Variants in IPO11 observed in about 807,000 individuals in gnomAD.
The protein encoded by IPO11 is importin-11.
Under a neutral mutation model 143.2 loss-of-function variants are expected in IPO11, and 66 were observed. That is an observed-to-expected ratio of 0.46 (90% confidence interval 0.38 to 0.57). The LOEUF (loss-of-function observed/expected upper bound fraction) is 0.57, where lower values mean the gene tolerates loss of function less well. Ranked by LOEUF, IPO11 falls within the 20% of genes least tolerant of loss-of-function variation. The pLI is 0.00. For synonymous variants in IPO11, 385 were observed against 377.8 expected (o/e 1.02, Z -0.22); for missense variants, 1,026 against 1,141.0 (o/e 0.90, Z 1.45).
At chr5:62,447,111 A>T (rs171566) in intron 3 of IPO11, among the ~76,000 whole-genome samples, 17,011 of 147,214 alleles carry the variant, frequency 0.12, 1,183 homozygotes, top group African/African-American at 0.21. Flanking sequence ...ATATATATAT[A>T]TTTTTTTTTA....
intron 5 of IPO11, among the ~76,000 whole-genome samples, chr5:62,453,056 A>G (rs1744998766): frequency 6.6e-6 from 1 of 150,978 alleles, no homozygotes; most frequent in African/African-American, 2.5e-5. Context: ...ATACGGTCAC[A>G]TGATAGGGCT....
Position 62,435,214 on chromosome 5 carries a change from A to ATATATATG in IPO11, c.-6-2053_-6-2052insGTATATAT, listed in dbSNP as rs1554047245. Among the ~76,000 whole-genome samples, 17 of 122,002 alleles carry ATATATATG rather than the reference A, an allele frequency of 1.4e-4. 1 individual carries two copies. Among genetic ancestry groups the ATATATATG allele is most frequent in the African/African-American group, 3.0e-4 (9 of 29,624 alleles). 80.0% of individuals were successfully genotyped at this position (122,002 alleles called of 152,430 possible). On this transcript the variant is annotated intron_variant, in intron 1 of 29. Coordinates refer to ENST00000325324, the MANE Select transcript of IPO11 (RefSeq NM_016338.5). The stretch of plus-strand genomic sequence containing the variant: ...TGTATATATATGTATATATATGTGT[A>ATATATATG]TATATATATATATCAGAGCAGCTGT...
intron 27 of IPO11, chr5:62,580,882 T>C (rs1037351943): frequency 9.7e-6 from 15 of 1,551,384 alleles, no homozygotes; most frequent in Non-Finnish European, 1.2e-5. Context: ...TACAGCAGTG[T>C]TACCTGTGCA....
In IPO11 at chr5:62,560,482, A is replaced by G. The variant is rs558898241; in HGVS notation, c.2461-654A>G. ...GGGCATTCTCCTTTATTTAGCGTCA[A>G]CTCATTGTAAATGTTAATCACATCT... On this transcript the variant is annotated intron_variant, in intron 26 of 29. Transcript: ENST00000325324. 4.1e-4 allele frequency among the ~76,000 whole-genome samples: 62 copies of G among 152,260 alleles called. 2 individuals are homozygous for G. The highest frequency in any genetic ancestry group is 1.5e-3 in the African/African-American group (61 of 41,546).
At chr5:62,425,204 A>G (rs1183873893) in intron 1 of IPO11, among the ~76,000 whole-genome samples, 1 of 152,194 alleles carries the variant, frequency 6.6e-6, no homozygotes, top group African/African-American at 2.4e-5. Flanking sequence ...TCAGATGGTC[A>G]TTGAGAATTC....
At chr5:62,435,400 G>A (rs1288487010) in intron 1 of IPO11, among the ~76,000 whole-genome samples, 1 of 148,360 alleles carries the variant, frequency 6.7e-6, no homozygotes, top group Non-Finnish European at 1.5e-5. Flanking sequence ...ACCAGCCTGG[G>A]CAACAAAGCG....
At chr5:62,589,240 C>G (rs1027570143) in intron 27 of IPO11, among the ~76,000 whole-genome samples, 1 of 152,158 alleles carries the variant, frequency 6.6e-6, no homozygotes, top group African/African-American at 2.4e-5. Flanking sequence ...CCTATTGTTT[C>G]CCTCCCTGGA....
At chr5:62,578,763 G>C (rs1303671793) in intron 27 of IPO11, 2 of 458,764 alleles carry the variant, frequency 4.4e-6, no homozygotes, top group Non-Finnish European at 9.0e-6. Context: ...CCAATGTGAA[G>C]AGTGGTGTTT....
chr5:62,480,799 T>C (rs1035039504), intron 9 of IPO11, among the ~76,000 whole-genome samples: 1 of 152,168 alleles, frequency 6.6e-6, no homozygotes, highest in East Asian at 1.9e-4. Flanking sequence ...TCTGAGACTT[T>C]GCTGAAGTTG....
intron 1 of IPO11, among the ~76,000 whole-genome samples, chr5:62,417,865 A>T (rs532227892): frequency 7.9e-5 from 12 of 152,220 alleles, no homozygotes; most frequent in Non-Finnish European, 1.2e-4. Flanking sequence ...CCTATGAGCC[A>T]TGCAGGCACC....
chr5:62,620,344 C>T (rs896949596), intron 29 of IPO11, among the ~76,000 whole-genome samples: 6 of 151,930 alleles, frequency 3.9e-5, no homozygotes, highest in African/African-American at 7.3e-5. Flanking sequence ...ACGGTGAAAC[C>T]CCATCTCTCC....
chr5:62,483,066 TAC>T lies in IPO11; in HGVS notation c.829-33_829-32del, dbSNP rs1176384539. ...TATTCCAATATGAATTTGGGGAAAA[TAC>T]ATTTTAATTTTTATTTATTTATTTT... On this transcript the variant is annotated intron_variant, in intron 9 of 29. Coordinates refer to ENST00000325324, the MANE Select transcript of IPO11 (RefSeq NM_016338.5). 4.6e-6 allele frequency: 6 copies of T among 1,314,900 alleles called. No individual in the cohort carries two copies. The African/African-American group carries it at 9.0e-5, about 20-fold the overall frequency. 81.5% of individuals were successfully genotyped at this position (1,314,900 alleles called of 1,614,324 possible). A position where few individuals can be genotyped will look rare whatever the true frequency, so the allele number is the denominator to read the frequency against.
rs1233256015 is a variant in IPO11, at chr5:62,512,611, TA to T, written c.1783-2776del. On this transcript the variant is annotated intron_variant, in intron 19 of 29. Coordinates refer to ENST00000325324, the MANE Select transcript of IPO11 (RefSeq NM_016338.5). ...GTTGTTGTTGTTTTCTTTTTAATTTTATTTTTTTTTTAATTGATCATTCTTG... is the reference window on the plus strand; with the variant it reads ...GTTGTTGTTGTTTTCTTTTTAATTTTTTTTTTTTTTAATTGATCATTCTTG... 4.3e-3 allele frequency: 2,316 copies of T among 539,076 alleles called. 2 individuals carry two copies. Among genetic ancestry groups the T allele is most frequent in the Middle Eastern group, 6.5e-3 (13 of 1,986 alleles). 33.4% of individuals were successfully genotyped at this position (539,076 alleles called of 1,614,324 possible). A position where few individuals can be genotyped will look rare whatever the true frequency, so the allele number is the denominator to read the frequency against.
At chr5:62,591,520 A>AT (rs1442266149) in intron 27 of IPO11, 57 bp from the exon 28 acceptor site, 5 of 1,016,094 alleles carry the variant, frequency 4.9e-6, no homozygotes, top group Non-Finnish European at 7.2e-6. Context: ...GAAAAAAAAA[A>AT]CAAAAAGAAT....
chr5:62,443,831 T>C (rs1744602912), intron 3 of IPO11, among the ~76,000 whole-genome samples: 1 of 152,192 alleles, frequency 6.6e-6, no homozygotes, highest in Admixed American at 6.6e-5. Context: ...ATATAATCAA[T>C]GCAAAATCAT....
chr5:62,536,847 C>T, intron 23 of IPO11, 66 bp downstream of exon 23: 2 of 1,352,094 alleles, frequency 1.5e-6, no homozygotes, highest in Non-Finnish European at 1.9e-6. Context: ...TATTTGAAAT[C>T]AGGGGGTACG....
chr5:62,519,894 G>C (rs1742148530), intron 20 of IPO11, among the ~76,000 whole-genome samples: 1 of 152,174 alleles, frequency 6.6e-6, no homozygotes, highest in Non-Finnish European at 1.5e-5. Context: ...TAGGACTAAG[G>C]TCCCAGTTTA....
chr5:62,562,043 G>C (rs1407951914), intron 27 of IPO11: 1 of 152,166 alleles, frequency 6.6e-6, no homozygotes, highest in Non-Finnish European at 1.5e-5. Flanking sequence ...CACTCACCTG[G>C]AGCCCCCTTC....
Position 62,580,595 on chromosome 5 carries a change from A to G in IPO11, c.2583-10982A>G, listed in dbSNP as rs1429650442. 4 of 1,551,372 alleles carry G rather than the reference A, an allele frequency of 2.6e-6. No individual in the cohort carries two copies. The highest frequency in any genetic ancestry group is 2.0e-5 in the Admixed American group (1 of 50,964). On this transcript the variant is annotated intron_variant, in intron 27 of 29. Coordinates refer to ENST00000325324, the MANE Select transcript of IPO11 (RefSeq NM_016338.5). ...GCCATTACTCTAAACATCTATTGTC[A>G]GAATCCCCCATCCATGCGTGGCAGA... is the stretch of plus-strand genomic sequence containing the variant.
Sources: allele counts gnomAD v4.1 joint callset (sites outside exome capture counted in the v4.1 genomes callset), GRCh38; gene constraint gnomAD v4.1.1; transcripts MANE v1.5; gene names NCBI Gene and HGNC (gene_info 2026-07-23, HGNC 2026-07-21).